VCPIP1: variants seen among roughly 807,000 people sequenced by gnomAD.
The protein encoded by VCPIP1 is deubiquitinating protein VCPIP1.
Under a neutral mutation model 85.0 loss-of-function variants are expected in VCPIP1, and 8 were observed. The observed-to-expected ratio is 0.09, with a 90% CI of 0.06 to 0.17. VCPIP1 has a LOEUF of 0.17. VCPIP1 is among the 10% of genes least tolerant of loss of function. VCPIP1 has a pLI of 1.00. For missense variants in VCPIP1, 1,070 were observed against 1,486.3 expected (o/e 0.72, Z 4.61); for synonymous variants, 543 against 544.5 (o/e 1.00, Z 0.04).
At position 66,630,062 on chromosome 8, in the gene VCPIP1, A is replaced by G. The variant is rs77546269; in HGVS notation, c.*4439T>C. On this transcript the variant is annotated 3_prime_UTR_variant, in exon 3 of 3. Transcript: ENST00000310421. ...GAACATAAAATTACCTTTAAAAGCT[A>G]ATGTGGAGAATTTCAGGGGAAAATC... 6 of 152,304 alleles carry G rather than the reference A, an allele frequency of 3.9e-5. No individual in the cohort carries two copies. The East Asian group carries it at 1.2e-3, about 29-fold the overall frequency. 9.4% of individuals were successfully genotyped at this position (152,304 alleles called of 1,614,324 possible).
At chr8:66,659,775 A>G (rs931406254) in intron 1 of VCPIP1, among the ~76,000 whole-genome samples, 2 of 152,110 alleles carry the variant, frequency 1.3e-5, no homozygotes, top group African/African-American at 4.8e-5. Flanking sequence ...TACTAAAAAT[A>G]CAAAAAATTA....
intron 2 of VCPIP1, among the ~76,000 whole-genome samples, chr8:66,643,246 T>C (rs1232383706): frequency 6.6e-6 from 1 of 150,854 alleles, no homozygotes; most frequent in East Asian, 2.0e-4. Flanking sequence ...TCACGTCAAC[T>C]CGGGAGGTGG....
Position 66,664,967 on chromosome 8 carries a change from A to T in VCPIP1, c.1992T>A (p.Thr664=). Residue 664 remains threonine (T), a synonymous_variant, in exon 1 of 3, where the codon ACT becomes ACA. Transcript: ENST00000310421. ...QTAKKNPDDY[T]PVNIDGAHAQ... is the part of the protein sequence containing the mutation. Reference sequence around the variant, plus strand: ...CGTGAGCACCATCTATATTTACAGGAGTATAATCATCGGGATTCTTTTTGG... The same window carrying T: ...CGTGAGCACCATCTATATTTACAGGTGTATAATCATCGGGATTCTTTTTGG... 6.2e-7 allele frequency: 1 copy of T among 1,613,796 alleles called. No homozygotes were observed.
At chr8:66,655,916 C>T (rs1186121922) in intron 1 of VCPIP1, among the ~76,000 whole-genome samples, 1 of 152,092 alleles carries the variant, frequency 6.6e-6, no homozygotes, top group Non-Finnish European at 1.5e-5. Context: ...ATCTATACTA[C>T]TGCCTTGCTT....
At chr8:66,638,549 G>C (rs972358008) in intron 2 of VCPIP1, among the ~76,000 whole-genome samples, 1 of 151,520 alleles carries the variant, frequency 6.6e-6, no homozygotes, top group African/African-American at 2.4e-5. Context: ...GGAGGCCAAG[G>C]CGGGTGGATC....
At position 66,667,231 on chromosome 8, in the gene VCPIP1, C is replaced by T. The variant is rs1478736790; in HGVS notation, c.-273G>A. ...ACTCTCGCTCTCTCTCCCTCAGACACAGACATACACGCCCTCATTGAGTGT... is the reference window on the plus strand; with the variant it reads ...ACTCTCGCTCTCTCTCCCTCAGACATAGACATACACGCCCTCATTGAGTGT... On this transcript the variant is annotated 5_prime_UTR_variant, in exon 1 of 3. The change creates a new upstream start codon in the 5' untranslated region. Transcript: ENST00000310421. The T allele has an allele frequency of 3.6e-6, 2 of 562,724 alleles. No homozygotes were observed. Among genetic ancestry groups the T allele is most frequent in the East Asian group, 6.1e-5 (2 of 32,924 alleles). 34.9% of individuals were successfully genotyped at this position (562,724 alleles called of 1,614,324 possible).
At chr8:66,664,122 T>C (rs1811183014) in intron 1 of VCPIP1, 127 bp downstream of exon 1, 2 of 1,203,082 alleles carry the variant, frequency 1.7e-6, no homozygotes, top group Non-Finnish European at 2.2e-6. Context: ...TAAAAATAAT[T>C]CTCTCCTGAA....
chr8:66,643,292 C>T (rs1045967815), intron 2 of VCPIP1, among the ~76,000 whole-genome samples: 1 of 150,918 alleles, frequency 6.6e-6, no homozygotes, highest in Non-Finnish European at 1.5e-5. Flanking sequence ...CACTGCACTC[C>T]AGCCTAGGCA....
rs1021599874 is a variant in VCPIP1 at position 66,650,555 on chromosome 8, C to T, written c.2797+903G>A. 5.3e-5 allele frequency among the ~76,000 whole-genome samples: 8 copies of T among 152,136 alleles called. No homozygotes were observed. The South Asian group carries it at 1.7e-3, about 32-fold the overall frequency. On this transcript the variant is annotated intron_variant, in intron 2 of 2. Coordinates refer to ENST00000310421, the MANE Select transcript of VCPIP1 (RefSeq NM_025054.5). ...ACACTTGTACACAAGTCTATCTTTA[C>T]AAACAATGTATGCACAATGTGAAAG... is the stretch of plus-strand genomic sequence containing the variant.
At chr8:66,648,505 C>T (rs1266449864) in intron 2 of VCPIP1, among the ~76,000 whole-genome samples, 1 of 151,702 alleles carries the variant, frequency 6.6e-6, no homozygotes, top group Non-Finnish European at 1.5e-5. Context: ...CTAATCTATC[C>T]AATGTATCAT....
At chr8:66,651,677 A>G (rs1381729939) in intron 1 of VCPIP1, 133 bp from the exon 2 acceptor site, 1 of 617,034 alleles carries the variant, frequency 1.6e-6, no homozygotes, top group Non-Finnish European at 2.8e-6. Flanking sequence ...GACACGCCAT[A>G]GAGGGATGAT....
chr8:66,654,497 T>C (rs1426668580), intron 1 of VCPIP1, among the ~76,000 whole-genome samples: 1 of 152,184 alleles, frequency 6.6e-6, no homozygotes, highest in African/African-American at 2.4e-5. Flanking sequence ...AAGTTGTGTT[T>C]CGGCAAATTT....
Position 66,664,924 on chromosome 8 carries a change from C to T in VCPIP1, c.2035G>A (p.Val679Ile), listed in dbSNP as rs747643169. 9 of 1,614,184 alleles carry T rather than the reference C, an allele frequency of 5.6e-6. No homozygotes were observed. The South Asian group carries it at 6.6e-5, about 12-fold the overall frequency. Residue 679 changes from valine to isoleucine, a missense_variant, in exon 1 of 3, where the codon GTT (valine) becomes ATT (isoleucine). Physicochemically the swap from Val to Ile is conservative, Grantham distance 29 (BLOSUM62 3). Around this residue, in one of 8 missense-constraint regions of VCPIP1, gnomAD observed 278 missense variants for 298.5 expected, o/e 0.93. Transcript: ENST00000310421. ...TGAGACTCTGATTCTTGTCCTTGAA[C>T]ATCTCCAACTCTTTGGGCGTGAGCA... ...DGAHAQRVGDVQGQESESQLP... is the reference protein window; with the variant it reads ...DGAHAQRVGDIQGQESESQLP...
chr8:66,664,748 T>C lies in VCPIP1; in HGVS notation c.2211A>G (p.Gln737=). ...MQKRKTEKLK[Q]EQKGQPRTVS... ...CAGTCCTGGGTTGCCCTTTTTGTTC[T>C]TGTTTTAACTTCTCTGTTTTCCGTT... The change falls in exon 1 of 3, where the codon CAA becomes CAG. Residue 737 remains glutamine, a synonymous_variant. Transcript: ENST00000310421. The C allele has an allele frequency of 6.2e-7, 1 of 1,613,262 alleles. No homozygotes were observed. Among genetic ancestry groups the C allele is most frequent in the South Asian group, 1.1e-5 (1 of 91,002 alleles).
chr8:66,659,385 C>T (rs1374958655), intron 1 of VCPIP1, among the ~76,000 whole-genome samples: 1 of 151,884 alleles, frequency 6.6e-6, no homozygotes, highest in Non-Finnish European at 1.5e-5. Context: ...AAATTAAGTT[C>T]AATTACTTTG....
At chr8:66,641,331 C>A (rs1273287061) in intron 2 of VCPIP1, among the ~76,000 whole-genome samples, 1 of 152,112 alleles carries the variant, frequency 6.6e-6, no homozygotes, top group African/African-American at 2.4e-5. Context: ...ATACAATTCA[C>A]CCATTTTAAA....
chr8:66,653,186 A>T (rs1315789083), intron 1 of VCPIP1, among the ~76,000 whole-genome samples: 2 of 152,094 alleles, frequency 1.3e-5, no homozygotes, highest in Non-Finnish European at 2.9e-5. Flanking sequence ...GTACTACTAG[A>T]ATAGCTATAT....
At chr8:66,662,942 TA>T (rs1811171414) in intron 1 of VCPIP1, among the ~76,000 whole-genome samples, 1 of 151,674 alleles carries the variant, frequency 6.6e-6, no homozygotes, top group Non-Finnish European at 1.5e-5. Context: ...CCGTCTCTAC[TA>T]AAAATACAAA....
At chr8:66,639,957 G>C (rs918830425) in intron 2 of VCPIP1, among the ~76,000 whole-genome samples, 4 of 152,118 alleles carry the variant, frequency 2.6e-5, no homozygotes, top group Non-Finnish European at 5.9e-5. Flanking sequence ...TCGGAGCATA[G>C]AGGGTGGGAG....
Sources: gnomAD v4.1 joint callset for allele counts (sites outside exome capture counted in the v4.1 genomes callset) on GRCh38, gnomAD v4.1.1 for gene constraint, gnomAD v4.1.1 regional missense constraint, MANE v1.5 for transcripts, NCBI Gene and HGNC (gene_info 2026-07-23, HGNC 2026-07-21) for gene names.